MAPK10: variants seen among roughly 807,000 people sequenced by gnomAD.
MAPK10 encodes mitogen-activated protein kinase 10.
A neutral mutation model predicts 59.3 loss-of-function variants in MAPK10; 25 were observed. The ratio of observed to expected loss-of-function variants is 0.42; its 90% CI spans 0.31 to 0.59. The LOEUF (loss-of-function observed/expected upper bound fraction) is 0.59, where lower values mean the gene tolerates loss of function less well. MAPK10 is among the 20% of genes least tolerant of loss of function. MAPK10 has a pLI of 0.15. For missense variants in MAPK10, 351 were observed against 568.9 expected, an observed-to-expected ratio of 0.62 and a Z score of 3.90; for synonymous variants, 190 against 200.5, an observed-to-expected ratio of 0.95 and a Z score of 0.44.
chr4:86,396,558 C>T (rs1043486037), intron 1 of MAPK10, among the ~76,000 whole-genome samples: 3 of 152,136 alleles, frequency 2.0e-5, no homozygotes, highest in African/African-American at 7.2e-5. Context: ...TCTTGCATTA[C>T]TATAAGGAAA....
At chr4:86,280,597 T>C (rs1003952003) in intron 2 of MAPK10, among the ~76,000 whole-genome samples, 4 of 152,116 alleles carry the variant, frequency 2.6e-5, no homozygotes, top group Non-Finnish European at 5.9e-5. Context: ...TTACTGGGTA[T>C]ATACCCAGTG....
intron 3 of MAPK10, among the ~76,000 whole-genome samples, chr4:86,185,259 A>T (rs1046904316): frequency 3.9e-5 from 6 of 152,306 alleles, no homozygotes; most frequent in Admixed American, 3.9e-4. Context: ...AGAACGTTAG[A>T]TACTGATGTA....
chr4:86,406,222 T>C (rs1744342166), intron 1 of MAPK10, among the ~76,000 whole-genome samples: 1 of 152,138 alleles, frequency 6.6e-6, no homozygotes, highest in African/African-American at 2.4e-5. Context: ...GCTAATCAAA[T>C]ATGGCCCCTT....
intron 13 of MAPK10, chr4:86,024,356 A>G (rs1043969072): frequency 6.6e-6 from 1 of 152,226 alleles, no homozygotes; most frequent in Non-Finnish European, 1.5e-5. Context: ...TAAGCTCTTC[A>G]TAAACAGGAT....
intron 1 of MAPK10, among the ~76,000 whole-genome samples, chr4:86,579,729 A>C (rs1438897098): frequency 6.6e-6 from 1 of 152,202 alleles, no homozygotes; most frequent in Non-Finnish European, 1.5e-5. Flanking sequence ...CACCATAATA[A>C]TTACTGGACA....
intron 1 of MAPK10, among the ~76,000 whole-genome samples, chr4:86,523,491 T>C (rs1427468935): frequency 6.6e-6 from 1 of 152,256 alleles, no homozygotes; most frequent in Non-Finnish European, 1.5e-5. Flanking sequence ...GTTTCCACTG[T>C]GGTAAAGTTC....
In MAPK10 at chr4:86,574,147, C is replaced by T. The variant is rs569658098; in HGVS notation, c.-263+19763G>A. Among the ~76,000 whole-genome samples the T allele has an allele frequency of 3.3e-4, 50 of 151,836 alleles. No individual in the cohort carries two copies. In the South Asian group the frequency reaches 8.1e-3, roughly 25 times the overall value. ...TTCAATTCCCACCTATGAGTGAGAACATGCGGTGTTTGGTTTTTTGTCCTT... is the reference window on the plus strand; with the variant it reads ...TTCAATTCCCACCTATGAGTGAGAATATGCGGTGTTTGGTTTTTTGTCCTT... On this transcript the variant is annotated intron_variant, in intron 1 of 4. Transcript: ENST00000502302.
At chr4:86,523,229 G>T (rs934095184) in intron 1 of MAPK10, among the ~76,000 whole-genome samples, 2 of 150,724 alleles carry the variant, frequency 1.3e-5, no homozygotes, top group Admixed American at 1.3e-4. Context: ...AATATTTATT[G>T]AGCAGCACAG....
intron 2 of MAPK10, among the ~76,000 whole-genome samples, chr4:86,343,344 A>G (rs575434947): frequency 6.6e-6 from 1 of 152,286 alleles, no homozygotes; most frequent in South Asian, 2.1e-4. Flanking sequence ...TGTCACTGAG[A>G]TTCCCAGAGT....
intron 1 of MAPK10, among the ~76,000 whole-genome samples, chr4:86,520,568 C>A (rs1437698635): frequency 6.6e-6 from 1 of 151,934 alleles, no homozygotes; most frequent in Non-Finnish European, 1.5e-5. Context: ...TCTCTAGTGC[C>A]TCCTTGAGTA....
intron 11 of MAPK10, among the ~76,000 whole-genome samples, chr4:86,037,518 TAA>T (rs58836254): frequency 4.9e-5 from 7 of 142,474 alleles, no homozygotes; most frequent in Admixed American, 1.4e-4. Flanking sequence ...AGACTCCGTC[TAA>T]AAAAAAAAAA....
chr4:86,245,383 C>T (rs1360600117), intron 2 of MAPK10, among the ~76,000 whole-genome samples: 1 of 151,400 alleles, frequency 6.6e-6, no homozygotes, highest in East Asian at 1.9e-4. Context: ...GTGATCACAG[C>T]TCACTGCAGC....
chr4:86,434,961 T>C (rs912385327), intron 1 of MAPK10, among the ~76,000 whole-genome samples: 2 of 152,102 alleles, frequency 1.3e-5, no homozygotes, highest in African/African-American at 4.8e-5. Context: ...TGCTCAGACA[T>C]AAAGAAGAAT....
intron 1 of MAPK10, among the ~76,000 whole-genome samples, chr4:86,366,946 A>G (rs1279742925): frequency 6.6e-6 from 1 of 152,160 alleles, no homozygotes; most frequent in Non-Finnish European, 1.5e-5. Flanking sequence ...GTCCTACATC[A>G]TAGGAAATCT....
At chr4:86,344,004 C>T (rs1476627885) in intron 2 of MAPK10, among the ~76,000 whole-genome samples, 1 of 152,086 alleles carries the variant, frequency 6.6e-6, no homozygotes, top group Non-Finnish European at 1.5e-5. Flanking sequence ...CCAGTGGCTA[C>T]AACAAAAATT....
intron 11 of MAPK10, among the ~76,000 whole-genome samples, chr4:86,042,631 C>A (rs4351013): frequency 1.3e-5 from 2 of 151,708 alleles, no homozygotes; most frequent in African/African-American, 2.4e-5. Flanking sequence ...CTTAAAGTAG[C>A]TTGTTATAAC....
intron 2 of MAPK10, among the ~76,000 whole-genome samples, chr4:86,325,161 AT>A (rs1239649191): frequency 6.6e-6 from 1 of 152,220 alleles, no homozygotes; most frequent in Non-Finnish European, 1.5e-5. Flanking sequence ...CATAAAAAAA[AT>A]AAAGCACGCC....
At chr4:86,453,902 C>T (rs1751003470), upstream of MAPK10, among the ~76,000 whole-genome samples, 1 of 152,074 alleles carries the variant, frequency 6.6e-6, no homozygotes, top group Admixed American at 6.5e-5. Flanking sequence ...TACTGGTATC[C>T]ACAGCTAAGA....
intron 2 of MAPK10, among the ~76,000 whole-genome samples, chr4:86,337,440 G>A (rs569890910): frequency 6.6e-6 from 1 of 152,298 alleles, no homozygotes; most frequent in South Asian, 2.1e-4. Flanking sequence ...TGGATGTCCA[G>A]AAGAAAGTAT....
Sources: allele counts gnomAD v4.1 joint callset (sites outside exome capture counted in the v4.1 genomes callset), GRCh38; gene constraint gnomAD v4.1.1; transcripts MANE v1.5; gene names NCBI Gene and HGNC (gene_info 2026-07-23, HGNC 2026-07-21).